Variants in ADAMTSL1 observed in about 807,000 individuals in gnomAD.
The protein encoded by ADAMTSL1 is ADAMTS-like protein 1.
In ADAMTSL1, 126 loss-of-function variants were observed where a neutral mutation model predicts 201.8. That is an observed-to-expected ratio of 0.62 (90% CI 0.54 to 0.72). ADAMTSL1 has a LOEUF of 0.72. Ranked by LOEUF, ADAMTSL1 falls within the 30% of genes least tolerant of loss-of-function variation. The pLI is 0.00. For synonymous variants in ADAMTSL1, 1,121 were observed against 903.4 expected (o/e 1.24, Z -4.32); for missense variants, 2,679 against 2,277.8 (o/e 1.18, Z -3.59).
At chr9:18,280,912 G>A (rs1832762966) in intron 2 of ADAMTSL1, among the ~76,000 whole-genome samples, 2 of 128,818 alleles carry the variant, frequency 1.6e-5, no homozygotes, top group African/African-American at 6.0e-5. Flanking sequence ...GTCTCACTCT[G>A]TCACCCAGAC....
chr9:18,287,040 A>G (rs926093072), intron 2 of ADAMTSL1, among the ~76,000 whole-genome samples: 1 of 152,174 alleles, frequency 6.6e-6, no homozygotes, highest in African/African-American at 2.4e-5. Flanking sequence ...CCCTACACTA[A>G]CAAATATGAG....
In ADAMTSL1 at chr9:18,318,083, A is replaced by C. The variant is rs146888641; in HGVS notation, c.207+154102A>C. Among the ~76,000 whole-genome samples the C allele has an allele frequency of 5.7e-3, 873 of 152,258 alleles. 5 individuals carry two copies. The highest frequency in any genetic ancestry group is 0.02 in the African/African-American group (834 of 41,536). On this transcript the variant is annotated intron_variant, in intron 2 of 29. Transcript: ENST00000680146. Reference sequence around the variant, plus strand: ...TAGACACCTCTTGGGCTAGTTGTGAACTTTAGAAGAGATGACTAATGTAAA... The same window carrying C: ...TAGACACCTCTTGGGCTAGTTGTGACCTTTAGAAGAGATGACTAATGTAAA...
chr9:18,278,893 A>G (rs1372015203), intron 2 of ADAMTSL1, among the ~76,000 whole-genome samples: 2 of 151,220 alleles, frequency 1.3e-5, no homozygotes, highest in Non-Finnish European at 2.9e-5. Context: ...GGTAATTTCA[A>G]ATGACCTGTC....
chr9:18,229,102 T>C (rs1475761053), intron 2 of ADAMTSL1, among the ~76,000 whole-genome samples: 2 of 152,124 alleles, frequency 1.3e-5, no homozygotes, highest in Non-Finnish European at 2.9e-5. Flanking sequence ...CTTTACAGCA[T>C]ATGCAAAAAA....
At chr9:18,567,223 G>C (rs974003194) in intron 3 of ADAMTSL1, among the ~76,000 whole-genome samples, 1 of 152,154 alleles carries the variant, frequency 6.6e-6, no homozygotes. Flanking sequence ...TCAGCACTTT[G>C]GGAGGCTGAG....
chr9:17,989,282 G>T (rs1384994672), intron 1 of ADAMTSL1, among the ~76,000 whole-genome samples: 1 of 151,352 alleles, frequency 6.6e-6, no homozygotes, highest in Admixed American at 6.6e-5. Context: ...TAAATAAGCA[G>T]ATTGTACTAT....
chr9:18,451,575 T>G (rs535079257), intron 2 of ADAMTSL1, among the ~76,000 whole-genome samples: 1 of 152,332 alleles, frequency 6.6e-6, no homozygotes, highest in African/African-American at 2.4e-5. Context: ...CCAGCTCTTG[T>G]GTAAATATAC....
intron 1 of ADAMTSL1, among the ~76,000 whole-genome samples, chr9:18,135,176 T>C (rs1826108955): frequency 6.6e-6 from 1 of 152,200 alleles, no homozygotes; most frequent in African/African-American, 2.4e-5. Flanking sequence ...TAACTCCATA[T>C]GTGGAATCTG....
At chr9:18,202,584 C>T (rs1829494517) in intron 2 of ADAMTSL1, among the ~76,000 whole-genome samples, 2 of 152,198 alleles carry the variant, frequency 1.3e-5, no homozygotes, top group South Asian at 2.1e-4. Context: ...TGTAGTTACT[C>T]CCTCATCTTC....
chr9:18,327,420 AC>A (rs539888248), intron 2 of ADAMTSL1, among the ~76,000 whole-genome samples: 1 of 152,190 alleles, frequency 6.6e-6, no homozygotes, highest in Non-Finnish European at 1.5e-5. Context: ...TTAGAAGCTG[AC>A]CTTTCAACTC....
At position 18,826,288 on chromosome 9, in the gene ADAMTSL1, G is replaced by A; in HGVS notation, c.3939G>A (p.Val1313=). 2.5e-6 allele frequency: 4 copies of A among 1,610,032 alleles called. No homozygotes were observed. The highest frequency in any genetic ancestry group is 3.4e-6 in the Non-Finnish European group (4 of 1,178,456). The change falls in exon 22 of 29, where the codon GTG becomes GTA. Residue 1313 remains valine, a synonymous_variant. Transcript: ENST00000380548. ...GTTTTTTTTTTTTCTTCCTAGGAGT[G>A]CCTGAAGCTGAAGTCACTTGGTTCA... The part of the protein sequence containing the change: ...NVTINCQVAG[V]PEAEVTWFRN...
At chr9:17,921,596 T>C (rs1421168983) in intron 1 of ADAMTSL1, among the ~76,000 whole-genome samples, 1 of 152,176 alleles carries the variant, frequency 6.6e-6, no homozygotes, top group African/African-American at 2.4e-5. Flanking sequence ...CCCAATCTTG[T>C]TATAACTCAT....
intron 2 of ADAMTSL1, among the ~76,000 whole-genome samples, chr9:18,314,782 C>CTTT (rs776046209): frequency 0.053 from 2,619 of 49,642 alleles, 896 homozygotes; most frequent in Admixed American, 0.088. Flanking sequence ...CGGCAGCGTG[C>CTTT]TTTTTTTTTT....
chr9:18,406,291 TTTC>T (rs1250238441), intron 2 of ADAMTSL1, among the ~76,000 whole-genome samples: 3 of 66,144 alleles, frequency 4.5e-5, no homozygotes, highest in African/African-American at 2.4e-4. Flanking sequence ...AAGACAGTTT[TTTC>T]TTTTCTTTTC....
At chr9:18,468,091 G>T (rs1299085265) in intron 2 of ADAMTSL1, among the ~76,000 whole-genome samples, 2 of 152,086 alleles carry the variant, frequency 1.3e-5, no homozygotes, top group Non-Finnish European at 2.9e-5. Flanking sequence ...TTTCAAAAAG[G>T]CTACAAAAGA....
intron 1 of ADAMTSL1, among the ~76,000 whole-genome samples, chr9:17,939,444 C>G (rs974332134): frequency 6.6e-6 from 1 of 151,930 alleles, no homozygotes; most frequent in Non-Finnish European, 1.5e-5. Flanking sequence ...GTCTAAAATA[C>G]TGACATTTTC....
intron 1 of ADAMTSL1, among the ~76,000 whole-genome samples, chr9:18,067,717 A>G (rs1822771105): frequency 6.6e-6 from 1 of 152,192 alleles, no homozygotes; most frequent in African/African-American, 2.4e-5. Flanking sequence ...GGGCCTAGGA[A>G]CTTGGAGAGT....
rs773734942 is a variant in ADAMTSL1 at position 18,775,913 on chromosome 9, T to C, written c.2551+17T>C. On this transcript the variant is annotated intron_variant, in intron 18 of 28. Transcript: ENST00000380548. ...CCTGTGCAAGTAAGTATGTCAGGGC[T>C]CTGGGAATGGGGAGATGAAACCCAC... The C allele has an allele frequency of 2.5e-6, 4 of 1,579,068 alleles. No homozygotes were observed. The highest frequency in any genetic ancestry group is 3.4e-6 in the Non-Finnish European group (4 of 1,161,392).
chr9:18,105,187 G>A lies in ADAMTSL1; in HGVS notation c.88-58675G>A, dbSNP rs867895971. On this transcript the variant is annotated intron_variant, in intron 1 of 29. Coordinates refer to the ADAMTSL1 transcript ENST00000680146. ...TGGTTGTCTCACCTGTAAAACAAGCGAACTGGAATATGTGCTCTCTGAGTT... is the reference window on the plus strand; with the variant it reads ...TGGTTGTCTCACCTGTAAAACAAGCAAACTGGAATATGTGCTCTCTGAGTT... Among the ~76,000 whole-genome samples the A allele has an allele frequency of 5.3e-5, 8 of 152,094 alleles. No individual in the cohort carries two copies. The South Asian group carries it at 6.2e-4, about 12-fold the overall frequency.
Sources: allele counts gnomAD v4.1 joint callset (sites outside exome capture counted in the v4.1 genomes callset), GRCh38; gene constraint gnomAD v4.1.1; transcripts MANE v1.5; gene names NCBI Gene and HGNC (gene_info 2026-07-23, HGNC 2026-07-21).